The following RAB11FIP3 variants were observed in gnomAD, a reference collection of about 807,000 sequenced individuals.
RAB11FIP3 encodes RAB11 family interacting protein 3, also known as rab11 family-interacting protein 3.
RAB11FIP3 carries 17 observed loss-of-function variants against 77.8 expected under a neutral mutation model. That is an observed-to-expected ratio of 0.22 (90% CI 0.15 to 0.33). RAB11FIP3 has a LOEUF of 0.33. Among genes scored for constraint, RAB11FIP3 ranks in the 10% least tolerant of loss-of-function variants. RAB11FIP3 has a pLI of 1.00. For synonymous variants in RAB11FIP3, 437 were observed against 448.2 expected (o/e 0.98, Z 0.31); for missense variants, 1,005 against 1,011.2 (o/e 0.99, Z 0.08).
Position 505,659 on chromosome 16 carries a change from CGTGGCGCCTCCTGTGCCCGCCT to C in RAB11FIP3, c.1499+35_1499+56del, listed in dbSNP as rs1331069514. On this transcript the variant is annotated intron_variant, in intron 8 of 13. Transcript: ENST00000262305. The surrounding 1 kb of genome is among the most constrained non-coding windows in gnomAD (Gnocchi z 4.0). ...CTGGGCCAGGAGACCCGGGCCTCTG[CGTGGCGCCTCCTGTGCCCGCCT>C]GTCAGCCCCCATTTACTTCTCTTTA... The C allele has an allele frequency of 6.6e-7, 1 of 1,520,560 alleles. No homozygotes were observed. The highest frequency in any genetic ancestry group is 1.2e-5 in the South Asian group (1 of 85,612). 94.2% of individuals were successfully genotyped at this position (1,520,560 alleles called of 1,614,324 possible).
At chr16:492,375 C>T (rs1042717334) in intron 5 of RAB11FIP3, among the ~76,000 whole-genome samples, 2 of 144,770 alleles carry the variant, frequency 1.4e-5, no homozygotes, top group African/African-American at 5.1e-5. Flanking sequence ...CCGGGAGACC[C>T]GAGGCCGCCC....
At chr16:446,543 G>A (rs548708738) in intron 1 of RAB11FIP3, among the ~76,000 whole-genome samples, 5 of 152,290 alleles carry the variant, frequency 3.3e-5, no homozygotes, top group South Asian at 2.1e-4. Context: ...TCACCTGCAC[G>A]TGGTCTCATC....
intron 1 of RAB11FIP3, among the ~76,000 whole-genome samples, chr16:460,417 C>T (rs12932244): frequency 0.33 from 50,795 of 151,934 alleles, 10,732 homozygotes; most frequent in Non-Finnish European, 0.48. Context: ...GTCAGCCCAT[C>T]AGCTGAGTAT....
intron 6 of RAB11FIP3, chr16:502,621 C>T (rs2071975): frequency 0.041 from 11,576 of 285,436 alleles, 369 homozygotes; most frequent in African/African-American, 0.11. Flanking sequence ...GCTGATGTCT[C>T]ACAGGCCTCT....
At position 515,699 on chromosome 16, in the gene RAB11FIP3, G is replaced by A. The variant is rs566495091; in HGVS notation, c.1641-3244G>A. ...AGCAGCCACACGGGCGACACGCACCGGTGTTTGCATCTCGGAGCAGCCACA... is the reference window on the plus strand; with the variant it reads ...AGCAGCCACACGGGCGACACGCACCAGTGTTTGCATCTCGGAGCAGCCACA... On this transcript the variant is annotated intron_variant, in intron 9 of 13. Coordinates refer to ENST00000262305, the MANE Select transcript of RAB11FIP3 (RefSeq NM_014700.4). Among the ~76,000 whole-genome samples the A allele has an allele frequency of 1.6e-3, 240 of 151,828 alleles. 3 individuals are homozygous for A. Among genetic ancestry groups the A allele is most frequent in the African/African-American group, 5.5e-3 (227 of 41,244 alleles).
At chr16:427,513 T>C (rs1020385387) in intron 1 of RAB11FIP3, among the ~76,000 whole-genome samples, 20 of 152,234 alleles carry the variant, frequency 1.3e-4, no homozygotes, top group Non-Finnish European at 7.3e-5. Context: ...CAAGATGCAG[T>C]TGTTCCTGTC....
chr16:465,034 G>A (rs1373799381), intron 2 of RAB11FIP3, among the ~76,000 whole-genome samples: 1 of 152,190 alleles, frequency 6.6e-6, no homozygotes, highest in East Asian at 1.9e-4. Flanking sequence ...CGCCTGAGAG[G>A]ATGCTTCTTT....
chr16:468,084 G>A (rs1489432843), intron 2 of RAB11FIP3, among the ~76,000 whole-genome samples: 3 of 45,968 alleles, frequency 6.5e-5, no homozygotes, highest in East Asian at 5.6e-4. Context: ...GAGGGAGGAG[G>A]TGCAGGGGCG....
rs1596294038 is a variant in RAB11FIP3, at chr16:507,203, C to G, written c.1499+1576C>G. On this transcript the variant is annotated intron_variant, in intron 8 of 13. Coordinates refer to ENST00000262305, the MANE Select transcript of RAB11FIP3 (RefSeq NM_014700.4). The surrounding 1 kb of genome is among the most constrained non-coding windows in gnomAD (Gnocchi z 4.6). ...CTTGGCTCACCGCAACCTCCGCATC[C>G]CAGGTTCAAGCGATTCTTCTGCCTC... 1.3e-5 allele frequency among the ~76,000 whole-genome samples: 2 copies of G among 151,950 alleles called. No individual in the cohort carries two copies. Among genetic ancestry groups the G allele is most frequent in the East Asian group, 3.9e-4 (2 of 5,180 alleles).
intron 2 of RAB11FIP3, among the ~76,000 whole-genome samples, chr16:467,299 AG>A (rs1185201975): frequency 1.3e-5 from 2 of 152,178 alleles, no homozygotes; most frequent in African/African-American, 4.8e-5. Context: ...CTCCAGCTCC[AG>A]GCTCCTGAAG....
intron 5 of RAB11FIP3, among the ~76,000 whole-genome samples, chr16:495,339 C>G (rs76565567): frequency 0.054 from 8,200 of 152,246 alleles, 318 homozygotes; most frequent in African/African-American, 0.12. Context: ...CTGCAAACGG[C>G]GTGGTGGGGA....
chr16:489,105 C>T, intron 5 of RAB11FIP3, 105 bp downstream of exon 5: 3 of 1,321,680 alleles, frequency 2.3e-6, no homozygotes, highest in African/African-American at 1.5e-5. Flanking sequence ...ACTTGCTTTC[C>T]TTGACGTCAT....
intron 1 of RAB11FIP3, among the ~76,000 whole-genome samples, chr16:444,009 T>G (rs1411193047): frequency 6.6e-6 from 1 of 152,222 alleles, no homozygotes; most frequent in Admixed American, 6.5e-5. Flanking sequence ...GAGCTGATGT[T>G]CCTCTGCATG....
At chr16:475,915 G>A (rs1467286597) in intron 3 of RAB11FIP3, among the ~76,000 whole-genome samples, 1 of 152,074 alleles carries the variant, frequency 6.6e-6, no homozygotes, top group Non-Finnish European at 1.5e-5. Context: ...GGAGTGCAGT[G>A]GTGCGATCTT....
chr16:447,325 C>CAG (rs1555499741), intron 1 of RAB11FIP3, among the ~76,000 whole-genome samples: 1 of 151,094 alleles, frequency 6.6e-6, no homozygotes, highest in South Asian at 2.1e-4. Flanking sequence ...AAAAGAGAGT[C>CAG]AGAGAGAGAG....
Position 453,691 on chromosome 16 carries a change from A to T in RAB11FIP3, c.715-7713A>T, listed in dbSNP as rs554733172. Among the ~76,000 whole-genome samples, 3 of 151,036 alleles carry T rather than the reference A, an allele frequency of 2.0e-5. No homozygotes were observed. The South Asian group carries it at 6.3e-4, about 32-fold the overall frequency. ...CTGCAACCTCTGCCCCCTGGGTTCA[A>T]GCGATTCTTCTGCCTCAGCCTCCCC... is the stretch of plus-strand genomic sequence containing the variant. On this transcript the variant is annotated intron_variant, in intron 1 of 13. Transcript: ENST00000262305.
At position 520,288 on chromosome 16, in the gene RAB11FIP3, C is replaced by T; in HGVS notation, c.2016+11C>T. ...CGCAGGCTGAAGCAGGTGGGCAGGC[C>T]TGGGCCTCCCTCCCTCACACTCCTG... is the stretch of plus-strand genomic sequence containing the variant. On this transcript the variant is annotated intron_variant, in intron 12 of 13. Transcript: ENST00000262305. 6.5e-7 allele frequency: 1 copy of T among 1,544,932 alleles called. No homozygotes were observed. The highest frequency in any genetic ancestry group is 8.7e-7 in the Non-Finnish European group (1 of 1,146,952).
chr16:484,604 C>T (rs1036084538), intron 4 of RAB11FIP3, among the ~76,000 whole-genome samples: 15 of 152,184 alleles, frequency 9.9e-5, no homozygotes, highest in African/African-American at 3.6e-4. Flanking sequence ...CCGCCCGCCT[C>T]GGCCTCCCGA....
chr16:518,510 A>AG (rs1192976255), intron 9 of RAB11FIP3, among the ~76,000 whole-genome samples: 3 of 149,960 alleles, frequency 2.0e-5, no homozygotes, highest in Non-Finnish European at 2.9e-5. Flanking sequence ...GCGGATCATG[A>AG]GGTCAGGAGT....
Sources: gnomAD v4.1 joint callset for allele counts (sites outside exome capture counted in the v4.1 genomes callset) on GRCh38, gnomAD v4.1.1 for gene constraint, Gnocchi (gnomAD v3.1) non-coding constraint, MANE v1.5 for transcripts, NCBI Gene and HGNC (gene_info 2026-07-23, HGNC 2026-07-21) for gene names.